Variants in ATRNL1 observed in about 807,000 individuals in gnomAD.
ATRNL1 encodes attractin-like protein 1.
A neutral mutation model predicts 182.7 loss-of-function variants in ATRNL1; 95 were observed. The observed-to-expected ratio is 0.52, with a 90% CI of 0.44 to 0.62. ATRNL1 has a LOEUF of 0.62. Ranked by LOEUF, ATRNL1 falls within the 20% of genes least tolerant of loss-of-function variation. The probability of loss-of-function intolerance (pLI) is 0.00; values close to 1 mark genes in which losing one functional copy is unlikely to be tolerated. For synonymous variants in ATRNL1, 576 were observed against 568.3 expected (o/e 1.01, Z -0.19); for missense variants, 1,471 against 1,679.5 (o/e 0.88, Z 2.17).
intron 8 of ATRNL1, among the ~76,000 whole-genome samples, chr10:115,192,970 G>A (rs782442770): frequency 2.0e-5 from 3 of 151,796 alleles, no homozygotes; most frequent in African/African-American, 7.3e-5. Flanking sequence ...GTAGTTTTTG[G>A]AGTCTTTAGG....
chr10:115,370,695 G>A (rs1857348512), intron 19 of ATRNL1, among the ~76,000 whole-genome samples: 1 of 152,188 alleles, frequency 6.6e-6, no homozygotes, highest in African/African-American at 2.4e-5. Context: ...AAGGGAAACA[G>A]CATAAAAGTT....
At chr10:115,523,664 G>T (rs1554985827) in intron 25 of ATRNL1, among the ~76,000 whole-genome samples, 1 of 152,168 alleles carries the variant, frequency 6.6e-6, no homozygotes, top group Admixed American at 6.5e-5. Context: ...CTTTGCTTCA[G>T]TTCCAGTGAT....
intron 21 of ATRNL1, among the ~76,000 whole-genome samples, chr10:115,442,918 T>G (rs1554966026): frequency 6.6e-6 from 1 of 152,112 alleles, no homozygotes; most frequent in African/African-American, 2.4e-5. Context: ...TATTAAAATT[T>G]AGAATGCTCC....
intron 6 of ATRNL1, among the ~76,000 whole-genome samples, chr10:115,164,851 G>T (rs1043894791): frequency 2.0e-5 from 3 of 152,106 alleles, no homozygotes; most frequent in South Asian, 2.1e-4. Flanking sequence ...ACAAAGAGAA[G>T]TTGGTTAATG....
chr10:115,345,359 A>G (rs1818978902), intron 19 of ATRNL1, among the ~76,000 whole-genome samples: 1 of 152,154 alleles, frequency 6.6e-6, no homozygotes. Context: ...AGTTTTGTTC[A>G]GTTCTCCTTT....
chr10:115,533,041 T>C (rs1239132925), intron 25 of ATRNL1, among the ~76,000 whole-genome samples: 4 of 152,174 alleles, frequency 2.6e-5, no homozygotes, highest in Non-Finnish European at 5.9e-5. Flanking sequence ...GATTTTTGCA[T>C]CAAGGATATT....
intron 19 of ATRNL1, among the ~76,000 whole-genome samples, chr10:115,336,266 T>G (rs1485436364): frequency 6.6e-6 from 1 of 152,228 alleles, no homozygotes; most frequent in African/African-American, 2.4e-5. Context: ...AAGATCCAGT[T>G]GTTCTCACCT....
chr10:115,659,065 T>A (rs1403275265), intron 26 of ATRNL1, among the ~76,000 whole-genome samples: 1 of 152,078 alleles, frequency 6.6e-6, no homozygotes. Context: ...TTGTGATGGG[T>A]GTCTCCCATC....
At chr10:115,214,041 T>TACACGCACACAC in intron 8 of ATRNL1, among the ~76,000 whole-genome samples, 1 of 147,200 alleles carries the variant, frequency 6.8e-6, no homozygotes, top group East Asian at 2.0e-4. Flanking sequence ...TACAAATATG[T>TACACGCACACAC]ACACACACAC....
rs554647708 is a variant in ATRNL1, at chr10:115,112,873, T to A, written c.294-7312T>A. Among the ~76,000 whole-genome samples, 27 of 152,326 alleles carry A rather than the reference T, an allele frequency of 1.8e-4. No homozygotes were observed. In the South Asian group the frequency reaches 5.6e-3, roughly 32 times the overall value. On this transcript the variant is annotated intron_variant, in intron 1 of 28. Transcript: ENST00000355044. ...TTAATTCAACTTACTCAATTCTGAA[T>A]GCAAATTAAAGTTCAGTAAACTTTC... is the stretch of plus-strand genomic sequence containing the variant.
intron 26 of ATRNL1, among the ~76,000 whole-genome samples, chr10:115,559,118 A>T (rs1387271034): frequency 2.0e-5 from 3 of 152,024 alleles, no homozygotes; most frequent in Non-Finnish European, 4.4e-5. Flanking sequence ...AAAAAGTAAC[A>T]CCTCTGCTCA....
intron 28 of ATRNL1, among the ~76,000 whole-genome samples, chr10:115,887,806 C>T (rs1387675209): frequency 6.6e-6 from 1 of 152,028 alleles, no homozygotes; most frequent in Non-Finnish European, 1.5e-5. Flanking sequence ...TTCACTATCT[C>T]TCACATCCCT....
At chr10:115,203,086 A>G (rs1289619451) in intron 8 of ATRNL1, among the ~76,000 whole-genome samples, 1 of 152,134 alleles carries the variant, frequency 6.6e-6, no homozygotes, top group African/African-American at 2.4e-5. Context: ...GGAATAAGAG[A>G]ATAGCTTGGT....
At chr10:115,747,189 G>T (rs1555069384) in intron 27 of ATRNL1, among the ~76,000 whole-genome samples, 1 of 152,018 alleles carries the variant, frequency 6.6e-6, no homozygotes, top group African/African-American at 2.4e-5. Flanking sequence ...ATTGTGTCAT[G>T]TCACCCTCTA....
chr10:115,572,592 A>G (rs1427961958), intron 26 of ATRNL1, among the ~76,000 whole-genome samples: 1 of 152,168 alleles, frequency 6.6e-6, no homozygotes, highest in Non-Finnish European at 1.5e-5. Flanking sequence ...AAAGTTTGCA[A>G]TGCCTAAAAG....
At chr10:115,106,642 A>G (rs2143484738) in intron 1 of ATRNL1, among the ~76,000 whole-genome samples, 1 of 152,310 alleles carries the variant, frequency 6.6e-6, no homozygotes, top group Middle Eastern at 3.4e-3. Context: ...GATAGTGAGT[A>G]AGTCTCAACA....
intron 27 of ATRNL1, among the ~76,000 whole-genome samples, chr10:115,742,639 T>A (rs1555067962): frequency 2.0e-5 from 3 of 152,176 alleles, no homozygotes; most frequent in African/African-American, 7.2e-5. Context: ...ACAGCCTAAG[T>A]ATATCTTAAA....
At chr10:115,669,788 T>C (rs1945638887) in intron 26 of ATRNL1, among the ~76,000 whole-genome samples, 1 of 152,144 alleles carries the variant, frequency 6.6e-6, no homozygotes, top group Non-Finnish European at 1.5e-5. Flanking sequence ...TTTGGTCAAA[T>C]TTCAGGTGTT....
At chr10:115,721,258 G>A (rs966115292) in intron 26 of ATRNL1, among the ~76,000 whole-genome samples, 22 of 152,194 alleles carry the variant, frequency 1.4e-4, no homozygotes, top group Admixed American at 7.2e-4. Context: ...AATTTAATCC[G>A]TTATTTTGAC....
Sources: gnomAD v4.1 joint callset for allele counts (sites outside exome capture counted in the v4.1 genomes callset) on GRCh38, gnomAD v4.1.1 for gene constraint, MANE v1.5 for transcripts, NCBI Gene and HGNC (gene_info 2026-07-23, HGNC 2026-07-21) for gene names.